SPMIP7: variants seen among roughly 807,000 people sequenced by gnomAD.
SPMIP7 encodes sperm microtubule inner protein 7, also known as protein SPMIP7.
At chr7:50,132,739 A>T in the SPMIP7 span, among the ~76,000 whole-genome samples, 2 of 152,222 alleles carry the variant, frequency 1.3e-5, no homozygotes, top group Non-Finnish European at 2.9e-5. Flanking sequence ...AAGATAAGTA[A>T]GTTCTAAATG....
chr7:50,101,458 T>C, the SPMIP7 span, among the ~76,000 whole-genome samples: 1 of 152,312 alleles, frequency 6.6e-6, no homozygotes, highest in East Asian at 1.9e-4. Context: ...CACCCCCAAC[T>C]ATCTTCTGAA....
chr7:50,129,269 A>T, the SPMIP7 span, among the ~76,000 whole-genome samples: 3 of 152,124 alleles, frequency 2.0e-5, no homozygotes, highest in African/African-American at 7.2e-5. Context: ...TGAAAATTGA[A>T]ATAAATAGTA....
At chr7:50,132,610 T>C in the SPMIP7 span, among the ~76,000 whole-genome samples, 2 of 152,156 alleles carry the variant, frequency 1.3e-5, no homozygotes, top group Non-Finnish European at 2.9e-5. Context: ...TAAGCTTTCA[T>C]TGAACTCACA....
chr7:50,141,328 G>C, the SPMIP7 span: 1 of 1,552,144 alleles, frequency 6.4e-7, no homozygotes. Flanking sequence ...AACCCCTTGG[G>C]AGACATCGCA....
At chr7:50,121,833 T>C in the SPMIP7 span, among the ~76,000 whole-genome samples, 83 of 113,022 alleles carry the variant, frequency 7.3e-4, no homozygotes, top group Admixed American at 5.8e-4. Flanking sequence ...TTTGTTTTTT[T>C]TCTTGTAGAG....
the SPMIP7 span, among the ~76,000 whole-genome samples, chr7:50,134,969 CCCCGTT>C: frequency 8.5e-5 from 13 of 152,102 alleles, no homozygotes; most frequent in Admixed American, 7.2e-4. Flanking sequence ...TTCATCCCTG[CCCCGTT>C]CTCGTCTTCT....
At chr7:50,138,675 T>C in the SPMIP7 span, among the ~76,000 whole-genome samples, 1 of 152,110 alleles carries the variant, frequency 6.6e-6, no homozygotes. Context: ...ATTTTAATGA[T>C]CGAAAATCAA....
the SPMIP7 span, among the ~76,000 whole-genome samples, chr7:50,145,898 G>A: frequency 1.3e-5 from 2 of 151,414 alleles, no homozygotes; most frequent in Non-Finnish European, 2.9e-5. Flanking sequence ...TTTATCTAAG[G>A]ACGTTACAAG....
At chr7:50,113,852 A>T in the SPMIP7 span, among the ~76,000 whole-genome samples, 81 of 152,212 alleles carry the variant, frequency 5.3e-4, no homozygotes, top group Admixed American at 1.2e-3. Context: ...AATTTTTTTT[A>T]AAATTATGCC....
chr7:50,096,135 G>C, the SPMIP7 span: 1 of 1,543,402 alleles, frequency 6.5e-7, no homozygotes, highest in South Asian at 1.2e-5. Flanking sequence ...ATCTCTAAAA[G>C]GTCCATCCTT....
the SPMIP7 span, chr7:50,104,264 T>C: frequency 9.8e-6 from 9 of 914,608 alleles, no homozygotes; most frequent in Admixed American, 1.9e-4. Flanking sequence ...GAAAAAGAAC[T>C]TTTATTGTGT....
At chr7:50,119,840 G>A in the SPMIP7 span, among the ~76,000 whole-genome samples, 1 of 152,178 alleles carries the variant, frequency 6.6e-6, no homozygotes, top group Non-Finnish European at 1.5e-5. Flanking sequence ...TGATGTCGCT[G>A]GACTAAATCC....
the SPMIP7 span, among the ~76,000 whole-genome samples, chr7:50,105,746 C>A: frequency 9.2e-5 from 14 of 152,228 alleles, no homozygotes; most frequent in East Asian, 2.5e-3. Flanking sequence ...CTGTTCTAGG[C>A]TATTCTGAAT....
chr7:50,127,000 C>A, the SPMIP7 span, among the ~76,000 whole-genome samples: 1 of 151,998 alleles, frequency 6.6e-6, no homozygotes, highest in Non-Finnish European at 1.5e-5. Flanking sequence ...TTCCTGACTT[C>A]AAAATATTCC....
At chr7:50,125,030 C>T in the SPMIP7 span, among the ~76,000 whole-genome samples, 16 of 149,454 alleles carry the variant, frequency 1.1e-4, no homozygotes, top group African/African-American at 2.7e-4. Flanking sequence ...ACCCAGGAGG[C>T]GGAGATTGCA....
At chr7:50,125,209 TATATATACACATATATACAC>T in the SPMIP7 span, among the ~76,000 whole-genome samples, 3 of 29,146 alleles carry the variant, frequency 1.0e-4, no homozygotes, top group Admixed American at 1.1e-3. Context: ...TATATACACA[TATATATACACATATATACAC>T]ATATATATAC....
chr7:50,155,877 G>T, the SPMIP7 span, among the ~76,000 whole-genome samples: 1 of 1,956 alleles, frequency 5.1e-4, no homozygotes, highest in East Asian at 0.022. Flanking sequence ...TCCATGGCCT[G>T]AGTGGGACCC....
At chr7:50,140,126 T>C in the SPMIP7 span, 1 of 1,486,224 alleles carries the variant, frequency 6.7e-7, no homozygotes, top group Non-Finnish European at 9.0e-7. Context: ...TTGCCTCTCT[T>C]CTCTTTTTTG....
At chr7:50,146,824 C>T in the SPMIP7 span, among the ~76,000 whole-genome samples, 1 of 152,214 alleles carries the variant, frequency 6.6e-6, no homozygotes, top group Non-Finnish European at 1.5e-5. Context: ...AACTTCCATC[C>T]ATGACCTGCT....
Sources: allele counts gnomAD v4.1 joint callset (sites outside exome capture counted in the v4.1 genomes callset), GRCh38; gene constraint gnomAD v4.1.1; transcripts MANE v1.5; gene names NCBI Gene and HGNC (gene_info 2026-07-23, HGNC 2026-07-21).